MCUB: variants seen among roughly 807,000 people sequenced by gnomAD.
MCUB encodes mitochondrial calcium uniporter dominant negative subunit beta, also known as calcium uniporter regulatory subunit MCUb, mitochondrial.
A neutral mutation model predicts 41.4 loss-of-function variants in MCUB; 46 were observed. That is an observed-to-expected ratio of 1.11 (90% CI 0.88 to 1.42). The LOEUF is 1.42. Among genes scored for constraint, MCUB ranks in the 40% most tolerant of loss-of-function variants. The pLI, the probability that MCUB is intolerant of heterozygous loss-of-function variation, is 0.00. For missense variants in MCUB, 403 were observed against 404.9 expected, an observed-to-expected ratio of 1.00 and a Z score of 0.04; for synonymous variants, 148 against 148.2, an observed-to-expected ratio of 1.00 and a Z score of 0.01.
intron 1 of MCUB, among the ~76,000 whole-genome samples, chr4:109,635,459 T>C (rs529728245): frequency 4.9e-4 from 75 of 152,294 alleles, no homozygotes; most frequent in African/African-American, 1.7e-3. Flanking sequence ...CATATCCACG[T>C]GTGTAAAACA....
At chr4:109,589,310 C>T (rs1453237717) in intron 1 of MCUB, among the ~76,000 whole-genome samples, 1 of 152,036 alleles carries the variant, frequency 6.6e-6, no homozygotes, top group Non-Finnish European at 1.5e-5. Flanking sequence ...AGTTTGACTG[C>T]TTGGTTTAGC....
At chr4:109,639,647 G>C (rs1363572179) in intron 1 of MCUB, among the ~76,000 whole-genome samples, 1 of 152,046 alleles carries the variant, frequency 6.6e-6, no homozygotes, top group African/African-American at 2.4e-5. Context: ...AGATCATGCC[G>C]TTGCACTACA....
chr4:109,645,136 G>C (rs1429225830), intron 1 of MCUB, among the ~76,000 whole-genome samples: 1 of 152,074 alleles, frequency 6.6e-6, no homozygotes, highest in Non-Finnish European at 1.5e-5. Flanking sequence ...CTATAGACCT[G>C]ATTCTCTCCT....
intron 1 of MCUB, among the ~76,000 whole-genome samples, chr4:109,657,862 G>A (rs1206596833): frequency 6.6e-6 from 1 of 152,264 alleles, no homozygotes; most frequent in Non-Finnish European, 1.5e-5. Context: ...AGAACTTTCT[G>A]TGATGATAGA....
chr4:109,625,308 T>A (rs1728338301), intron 1 of MCUB, among the ~76,000 whole-genome samples: 1 of 152,168 alleles, frequency 6.6e-6, no homozygotes, highest in South Asian at 2.1e-4. Context: ...AGCATCCCCA[T>A]CATCCAGCAA....
Position 109,561,499 on chromosome 4 carries a change from A to T in MCUB, c.99+1063A>T, listed in dbSNP as rs1407926882. Among the ~76,000 whole-genome samples, 3 of 152,166 alleles carry T rather than the reference A, an allele frequency of 2.0e-5. No homozygotes were observed. In the East Asian group the frequency reaches 5.8e-4, roughly 29 times the overall value. ...ACCAAAGGATTAAGTGCATTCAGAA[A>T]ATCAATTCCAGGAATGTTTGAAAGA... On this transcript the variant is annotated intron_variant, in intron 1 of 7. Coordinates refer to ENST00000394650, the MANE Select transcript of MCUB (RefSeq NM_017918.5).
chr4:109,561,433 A>C (rs956602728), intron 1 of MCUB, among the ~76,000 whole-genome samples: 1 of 149,018 alleles, frequency 6.7e-6, no homozygotes, highest in African/African-American at 2.6e-5. Context: ...GATGCAGGGA[A>C]TATTTAAGTG....
At chr4:109,613,047 A>G (rs1363401906) in intron 1 of MCUB, among the ~76,000 whole-genome samples, 2 of 151,716 alleles carry the variant, frequency 1.3e-5, no homozygotes, top group Non-Finnish European at 2.9e-5. Flanking sequence ...CAGAGCTTGC[A>G]GTGAGCCGAG....
chr4:109,576,574 C>T (rs557099873), intron 1 of MCUB, among the ~76,000 whole-genome samples: 85 of 142,406 alleles, frequency 6.0e-4, no homozygotes, highest in Middle Eastern at 4.4e-3. Context: ...AAACTCAAAG[C>T]GTAAAGCATG....
At chr4:109,581,233 C>T (rs997709775) in intron 1 of MCUB, among the ~76,000 whole-genome samples, 1 of 152,122 alleles carries the variant, frequency 6.6e-6, no homozygotes, top group Non-Finnish European at 1.5e-5. Flanking sequence ...TGCCGCATAA[C>T]TACAACTATC....
intron 7 of MCUB, among the ~76,000 whole-genome samples, chr4:109,687,147 G>C (rs1729863905): frequency 6.6e-6 from 1 of 151,970 alleles, no homozygotes; most frequent in African/African-American, 2.4e-5. Flanking sequence ...TTGAGTCCAG[G>C]AGTTCAAGAC....
At chr4:109,640,619 C>CT (rs1436766323) in intron 1 of MCUB, among the ~76,000 whole-genome samples, 1 of 152,200 alleles carries the variant, frequency 6.6e-6, no homozygotes, top group Non-Finnish European at 1.5e-5. Flanking sequence ...TAGCTTTCAA[C>CT]TTTTTTCCTA....
Position 109,560,263 on chromosome 4 carries a change from G to A in MCUB, c.-75G>A, listed in dbSNP as rs1367087598. 11 of 725,726 alleles carry A rather than the reference G, an allele frequency of 1.5e-5. No homozygotes were observed. Among genetic ancestry groups the A allele is most frequent in the African/African-American group, 1.8e-5 (1 of 54,318 alleles). The allele number at this position is 725,726 out of a possible 1,614,324, so 45.0% of individuals were successfully genotyped here. On this transcript the variant is annotated 5_prime_UTR_variant, in exon 1 of 8. Coordinates refer to ENST00000394650, the MANE Select transcript of MCUB (RefSeq NM_017918.5). ...GAGCGCCCACAGCTCGGAGCCACCAGGCGCTGACGAGGAGCCCGGCTGAGG... is the reference window on the plus strand; with the variant it reads ...GAGCGCCCACAGCTCGGAGCCACCAAGCGCTGACGAGGAGCCCGGCTGAGG...
chr4:109,569,858 C>A (rs899254002), intron 1 of MCUB, among the ~76,000 whole-genome samples: 1 of 152,122 alleles, frequency 6.6e-6, no homozygotes, highest in African/African-American at 2.4e-5. Flanking sequence ...AGTGGCTGAC[C>A]AGCCAACCAA....
At chr4:109,635,757 GTGTGTC>G (rs1179979940) in intron 1 of MCUB, among the ~76,000 whole-genome samples, 1 of 151,836 alleles carries the variant, frequency 6.6e-6, no homozygotes. Context: ...ACCACTCCAC[GTGTGTC>G]TGTGTCTTCT....
At chr4:109,680,027 C>T (rs1404267980) in intron 4 of MCUB, among the ~76,000 whole-genome samples, 3 of 152,152 alleles carry the variant, frequency 2.0e-5, no homozygotes, top group Non-Finnish European at 2.9e-5. Flanking sequence ...ATCTCAAACT[C>T]CTGAACCCAG....
chr4:109,597,830 T>C (rs1436538873), intron 1 of MCUB, among the ~76,000 whole-genome samples: 4 of 148,494 alleles, frequency 2.7e-5, no homozygotes, highest in African/African-American at 1.0e-4. Context: ...GGCTCCTCAC[T>C]TCTCAGACGG....
At chr4:109,599,966 C>G (rs1208561928) in intron 1 of MCUB, among the ~76,000 whole-genome samples, 1 of 152,120 alleles carries the variant, frequency 6.6e-6, no homozygotes, top group Non-Finnish European at 1.5e-5. Flanking sequence ...CACCGCACCC[C>G]ATGTTGATAT....
intron 4 of MCUB, among the ~76,000 whole-genome samples, chr4:109,678,206 T>C (rs1409663380): frequency 3.9e-5 from 6 of 152,112 alleles, no homozygotes. Flanking sequence ...GAGTCTCCTA[T>C]GTCTACTTCT....
Sources: gnomAD v4.1 joint callset for allele counts (sites outside exome capture counted in the v4.1 genomes callset) on GRCh38, gnomAD v4.1.1 for gene constraint, MANE v1.5 for transcripts, NCBI Gene and HGNC (gene_info 2026-07-23, HGNC 2026-07-21) for gene names.